The following NUP210L variants were observed in gnomAD, a reference collection of about 807,000 sequenced individuals.
NUP210L encodes nucleoporin 210 like, also known as nuclear pore membrane glycoprotein 210-like.
In NUP210L, 74 loss-of-function variants were observed where a neutral mutation model predicts 208.5. The observed-to-expected ratio is 0.35, with a 90% CI of 0.29 to 0.43. The LOEUF (loss-of-function observed/expected upper bound fraction) is 0.43. Among genes scored for constraint, NUP210L ranks in the 20% least tolerant of loss-of-function variants. The pLI is 1.00. For synonymous variants in NUP210L, 780 were observed against 816.9 expected (o/e 0.95, Z 0.77); for missense variants, 1,843 against 2,289.4 (o/e 0.81, Z 3.98).
At chr1:154,058,364 G>T in intron 21 of NUP210L, 148 bp from the exon 22 acceptor site, 1 of 1,060,268 alleles carries the variant, frequency 9.4e-7, no homozygotes, top group Non-Finnish European at 1.4e-6. Flanking sequence ...TATGTGTATT[G>T]TTTTAAGTTG....
chr1:153,996,117 C>A (rs1002601916), intron 37 of NUP210L, among the ~76,000 whole-genome samples: 2 of 151,936 alleles, frequency 1.3e-5, no homozygotes, highest in East Asian at 3.9e-4. Context: ...ATGGTGAAAC[C>A]CCGTCTCTAC....
chr1:154,091,603 C>T (rs931709068), intron 15 of NUP210L, among the ~76,000 whole-genome samples: 1 of 149,784 alleles, frequency 6.7e-6, no homozygotes, highest in Non-Finnish European at 1.5e-5. Context: ...CAGGTTCAAG[C>T]GATTCTCCTG....
At chr1:154,127,856 A>G (rs1429351140) in intron 8 of NUP210L, among the ~76,000 whole-genome samples, 1 of 150,472 alleles carries the variant, frequency 6.6e-6, no homozygotes, top group Non-Finnish European at 1.5e-5. Flanking sequence ...TGCCTGGTCT[A>G]AAGTAGATTT....
chr1:154,021,217 G>A (rs1015301708), intron 32 of NUP210L, among the ~76,000 whole-genome samples: 8 of 152,234 alleles, frequency 5.3e-5, no homozygotes. Context: ...TGGGATTACA[G>A]GCATGGGCCA....
intron 27 of NUP210L, among the ~76,000 whole-genome samples, chr1:154,031,916 G>A (rs1652251925): frequency 6.6e-6 from 1 of 151,570 alleles, no homozygotes; most frequent in Non-Finnish European, 1.5e-5. Flanking sequence ...TTTTTGTAGA[G>A]ACCGAGTCTC....
intron 16 of NUP210L, among the ~76,000 whole-genome samples, chr1:154,076,027 G>C (rs1312299369): frequency 6.6e-6 from 1 of 151,536 alleles, no homozygotes. Flanking sequence ...GGACTCAAAG[G>C]ATCCGTCCAC....
At chr1:154,112,853 C>T (rs973484429) in intron 12 of NUP210L, among the ~76,000 whole-genome samples, 3 of 118,248 alleles carry the variant, frequency 2.5e-5, no homozygotes, top group Non-Finnish European at 5.1e-5. Flanking sequence ...GAGACCCTGT[C>T]TGGGGAAAAA....
chr1:154,019,338 T>A (rs1055330468), intron 32 of NUP210L, among the ~76,000 whole-genome samples: 9 of 152,338 alleles, frequency 5.9e-5, no homozygotes, highest in Admixed American at 2.6e-4. Flanking sequence ...CATACAGGGA[T>A]AACTTTCTGA....
chr1:154,099,967 A>G (rs1489326308), intron 14 of NUP210L, 31 bp downstream of exon 14: 2 of 1,610,836 alleles, frequency 1.2e-6, no homozygotes, highest in East Asian at 4.5e-5. Flanking sequence ...CATTAAAAGA[A>G]ATGCCAGTTC....
chr1:154,154,751 G>C (rs1659609134), intron 1 of NUP210L, 91 bp downstream of exon 1: 1 of 1,058,944 alleles, frequency 9.4e-7, no homozygotes. Flanking sequence ...GGCCCCACAC[G>C]GTATTCCTGT....
chr1:154,114,233 G>C (rs1423639205), intron 12 of NUP210L, among the ~76,000 whole-genome samples: 1 of 151,932 alleles, frequency 6.6e-6, no homozygotes, highest in Non-Finnish European at 1.5e-5. Flanking sequence ...GTCAAGGCTG[G>C]AGTAGGCCAC....
intron 31 of NUP210L, among the ~76,000 whole-genome samples, chr1:154,022,598 T>G (rs1012288362): frequency 6.6e-6 from 1 of 151,670 alleles, no homozygotes; most frequent in East Asian, 1.9e-4. Flanking sequence ...GATCTTTTAG[T>G]GAATTAGAAC....
At chr1:154,118,532 A>G in intron 11 of NUP210L, 139 bp downstream of exon 11, 2 of 527,712 alleles carry the variant, frequency 3.8e-6, no homozygotes, top group Middle Eastern at 3.1e-4. Flanking sequence ...TTTCAAGAGT[A>G]TAATTTTGGT....
At chr1:153,995,125 C>T (rs775563352) in exon 38 of NUP210L, 5 of 1,613,922 alleles carry the variant, frequency 3.1e-6, no homozygotes, top group Non-Finnish European at 4.2e-6. Flanking sequence ...GGGTCAAGAG[C>T]AGGATCTGGT....
chr1:154,111,561 T>A (rs770305662), intron 12 of NUP210L, among the ~76,000 whole-genome samples: 30 of 151,536 alleles, frequency 2.0e-4, no homozygotes, highest in Non-Finnish European at 3.8e-4. Context: ...TTCCTAGACA[T>A]ATACAACCTA....
intron 12 of NUP210L, among the ~76,000 whole-genome samples, chr1:154,113,036 AG>A (rs1053525586): frequency 6.6e-6 from 1 of 151,630 alleles, no homozygotes; most frequent in African/African-American, 2.4e-5. Context: ...GCATGCCTGT[AG>A]TCTCAGCTAC....
chr1:154,151,779 C>A (rs1056694441), intron 2 of NUP210L, among the ~76,000 whole-genome samples: 5 of 151,932 alleles, frequency 3.3e-5, no homozygotes, highest in African/African-American at 1.2e-4. Context: ...CAAAGCAAGA[C>A]CCTGTCTCTA....
intron 16 of NUP210L, among the ~76,000 whole-genome samples, chr1:154,087,976 C>A (rs1236192382): frequency 6.6e-6 from 1 of 152,020 alleles, no homozygotes; most frequent in African/African-American, 2.4e-5. Context: ...GAGTTTCTTC[C>A]GGAGAAAATG....
At chr1:154,007,127 T>A (rs1180077934) in intron 35 of NUP210L, among the ~76,000 whole-genome samples, 1 of 148,528 alleles carries the variant, frequency 6.7e-6, no homozygotes, top group Non-Finnish European at 1.5e-5. Context: ...CATGCCTGGC[T>A]AATTTTTGTA....
Sources: gnomAD v4.1 joint callset for allele counts (sites outside exome capture counted in the v4.1 genomes callset) on GRCh38, gnomAD v4.1.1 for gene constraint, MANE v1.5 for transcripts, NCBI Gene and HGNC (gene_info 2026-07-23, HGNC 2026-07-21) for gene names.